The following PPL variants were observed in gnomAD, a reference collection of about 807,000 sequenced individuals.
PPL encodes 190 kDa paraneoplastic pemphigus antigen.
PPL carries 198 observed loss-of-function variants against 194.4 expected under a neutral mutation model. The ratio of observed to expected loss-of-function variants is 1.02; its 90% CI spans 0.91 to 1.15. The LOEUF (loss-of-function observed/expected upper bound fraction) is 1.15. Among genes scored for constraint, PPL ranks in the 50% most tolerant of loss-of-function variants. The probability of loss-of-function intolerance (pLI) is 0.00; values close to 1 mark genes in which losing one functional copy is unlikely to be tolerated. For synonymous variants in PPL, 1,220 were observed against 972.4 expected (o/e 1.25, Z -4.74); for missense variants, 2,885 against 2,294.8 (o/e 1.26, Z -5.25).
chr16:4,892,045 C>T lies in PPL; in HGVS notation c.1819G>A (p.Ala607Thr), dbSNP rs764509009. The T allele has an allele frequency of 1.2e-6, 2 of 1,613,510 alleles. No homozygotes were observed. The highest frequency in any genetic ancestry group is 2.2e-5 in the East Asian group (1 of 44,880). Residue 607 changes from alanine (A) to threonine (T), a missense_variant, in exon 15 of 22, where the codon GCC becomes ACC. Coordinates refer to ENST00000345988, the MANE Select transcript of PPL (RefSeq NM_002705.5). ...YEHLLQLLDLAQEKVDVANRL... is the reference protein window; with the variant it reads ...YEHLLQLLDLTQEKVDVANRL... Reference sequence around the variant, plus strand: ...CTGTCTGCCACCCACTTCTCCTGGGCCAAGTCCAGCAGCTGCAGGAGGTGC... The same window carrying T: ...CTGTCTGCCACCCACTTCTCCTGGGTCAAGTCCAGCAGCTGCAGGAGGTGC...
intron 21 of PPL, 75 bp from the exon 22 acceptor site, chr16:4,886,122 G>C (rs969413127): frequency 5.7e-6 from 9 of 1,585,906 alleles, no homozygotes; most frequent in South Asian, 1.1e-5. Flanking sequence ...CACCTGGTCA[G>C]AGTGGCTGTC....
Position 4,885,400 on chromosome 16 carries a change from C to T in PPL, c.3255G>A (p.Glu1085=). ...EDHQRQDQLR[E]KQEEELSFLQ... ...GGAAGCTCAGCTCCTCCTCCTGCTT[C>T]TCCCTGAGCTGGTCCTGGCGCTGGT... The change falls in exon 22 of 22, where the codon GAG becomes GAA. Residue 1085 remains glutamate, a synonymous_variant. Transcript: ENST00000345988. The surrounding 1 kb of genome is among the most constrained non-coding windows in gnomAD (Gnocchi z 6.3). 1.2e-6 allele frequency: 2 copies of T among 1,612,946 alleles called. No individual in the cohort carries two copies. Among genetic ancestry groups the T allele is most frequent in the Non-Finnish European group, 1.7e-6 (2 of 1,180,020 alleles).
chr16:4,903,660 C>T (rs190107647), intron 3 of PPL, among the ~76,000 whole-genome samples: 8 of 151,700 alleles, frequency 5.3e-5, no homozygotes, highest in South Asian at 2.1e-4. Context: ...GCAGAGATTG[C>T]GCTGAGCCAA....
intron 11 of PPL, 58 bp from the exon 12 acceptor site, chr16:4,894,676 C>G: frequency 6.3e-7 from 1 of 1,577,866 alleles, no homozygotes. Context: ...CCTGGGAGCC[C>G]GGTTGCCATC....
At chr16:4,895,485 A>G in intron 10 of PPL, 78 bp from the exon 11 acceptor site, 5 of 1,602,858 alleles carry the variant, frequency 3.1e-6, no homozygotes, top group Non-Finnish European at 4.3e-6. Flanking sequence ...CAGGGGCTGG[A>G]TTCAGCAGGT....
chr16:4,903,295 C>T (rs2088614346), intron 3 of PPL, among the ~76,000 whole-genome samples: 1 of 152,066 alleles, frequency 6.6e-6, no homozygotes, highest in Non-Finnish European at 1.5e-5. Flanking sequence ...GACAGGGCAC[C>T]AGGCAGCGGA....
At chr16:4,930,534 C>CTCAT (rs796826066) in intron 1 of PPL, among the ~76,000 whole-genome samples, 33 of 152,304 alleles carry the variant, frequency 2.2e-4, no homozygotes, top group African/African-American at 6.0e-4. Flanking sequence ...ATGGCTTACT[C>CTCAT]TCATTCATTC....
intron 1 of PPL, among the ~76,000 whole-genome samples, chr16:4,928,388 A>G (rs1000008367): frequency 4.6e-5 from 7 of 152,190 alleles, no homozygotes; most frequent in Admixed American, 1.3e-4. Flanking sequence ...GTTCTTACCC[A>G]GACACTTTGA....
Position 4,890,230 on chromosome 16 carries a change from T to A in PPL, c.2267A>T (p.Glu756Val), listed in dbSNP as rs779699895. The change falls in exon 18 of 22, where the codon GAG (glutamate) becomes GTG (valine). Residue 756 changes from glutamate to valine, a missense_variant. Physicochemically the swap from Glu to Val is moderately radical, Grantham distance 121. Transcript: ENST00000345988. ...CTCCATCTGGCTGAGGCTGTCTGTC[T>A]CCTGGGGCTCGTAACTGGGGATGCT... ...LVSIPSYEPQETDSLSQMETK... is the reference protein window; with the variant it reads ...LVSIPSYEPQVTDSLSQMETK... 1 of 1,614,164 alleles carries A rather than the reference T, an allele frequency of 6.2e-7. No homozygotes were observed. The highest frequency in any genetic ancestry group is 2.2e-5 in the East Asian group (1 of 44,884).
rs1334063656 is a variant in PPL, at chr16:4,883,948, C to G, written c.4707G>C (p.Gln1569His). 6.2e-7 allele frequency: 1 copy of G among 1,613,962 alleles called. No homozygotes were observed. The highest frequency in any genetic ancestry group is 1.3e-5 in the African/African-American group (1 of 74,916). The change falls in exon 22 of 22, where the codon CAG becomes CAC. Residue 1569 changes from glutamine to histidine, a missense_variant. Physicochemically the swap from Gln to His is conservative, Grantham distance 24. Transcript: ENST00000345988. This position sits in a 1 kb window ranked among gnomAD's most constrained non-coding sequence, Gnocchi z 4.8. The part of the protein sequence containing the change: ...DFLREENHKL[Q>H]LERQNLQLET... ...CCAGCTGCAGGTTTTGCCTCTCCAGCTGTAATTTGTGGTTCTCTTCCCTCA... is the reference window on the plus strand; with the variant it reads ...CCAGCTGCAGGTTTTGCCTCTCCAGGTGTAATTTGTGGTTCTCTTCCCTCA...
chr16:4,911,145 C>G (rs1363722334), intron 1 of PPL, among the ~76,000 whole-genome samples, 196 bp from the exon 2 acceptor site: 1 of 139,670 alleles, frequency 7.2e-6, no homozygotes, highest in Non-Finnish European at 1.5e-5. Flanking sequence ...GCCTGGCAGG[C>G]GGTCAGCCTC....
At chr16:4,924,933 T>G (rs2089128531) in intron 1 of PPL, among the ~76,000 whole-genome samples, 1 of 152,354 alleles carries the variant, frequency 6.6e-6, no homozygotes, top group Non-Finnish European at 1.5e-5. Flanking sequence ...CCAGAACTGC[T>G]GTGTCCCCTG....
At chr16:4,901,204 C>T (rs2088562306) in intron 4 of PPL, 115 bp from the exon 5 acceptor site, 3 of 1,185,422 alleles carry the variant, frequency 2.5e-6, no homozygotes, top group Admixed American at 2.5e-5. Flanking sequence ...TCACGGGGCC[C>T]TGCAGAGCCA....
intron 5 of PPL, 35 bp from the exon 6 acceptor site, chr16:4,900,906 G>A (rs1286955654): frequency 6.2e-7 from 1 of 1,613,984 alleles, no homozygotes; most frequent in Non-Finnish European, 8.5e-7. Context: ...GTCAGGGCCA[G>A]GAAGCAGGCG....
chr16:4,892,485 G>T (rs761161789), intron 14 of PPL, among the ~76,000 whole-genome samples: 1 of 152,218 alleles, frequency 6.6e-6, no homozygotes, highest in Non-Finnish European at 1.5e-5. Flanking sequence ...AGCACTGCAC[G>T]CGGACGCTTC....
At chr16:4,917,892 G>C (rs1425179493) in intron 1 of PPL, among the ~76,000 whole-genome samples, 4 of 149,394 alleles carry the variant, frequency 2.7e-5, no homozygotes, top group African/African-American at 9.9e-5. Context: ...ATGAGAGTGA[G>C]ACCCTGTCTC....
rs733631 is a variant in PPL at position 4,886,090 on chromosome 16, C to T, written c.2608-43G>A. The T allele has an allele frequency of 0.013, 21,023 of 1,611,874 alleles. 2,243 individuals are homozygous for T. In the African/African-American group the frequency reaches 0.24, roughly 18 times the overall value. On this transcript the variant is annotated intron_variant, in intron 21 of 21. Coordinates refer to ENST00000345988, the MANE Select transcript of PPL (RefSeq NM_002705.5). Reference sequence around the variant, plus strand: ...AGACAAGGTTAAAGCCAGGCTCTGGCAGCACATGTAGGGCCTGTCCCCACC... The same window carrying T: ...AGACAAGGTTAAAGCCAGGCTCTGGTAGCACATGTAGGGCCTGTCCCCACC...
intron 2 of PPL, 63 bp downstream of exon 2, chr16:4,910,787 C>G (rs2088802730): frequency 7.3e-7 from 1 of 1,378,002 alleles, no homozygotes; most frequent in Non-Finnish European, 1.0e-6. Flanking sequence ...CAAACAGATC[C>G]TGGTCCTGAA....
chr16:4,934,228 G>T (rs553508631), intron 1 of PPL, among the ~76,000 whole-genome samples: 2 of 152,156 alleles, frequency 1.3e-5, no homozygotes, highest in Non-Finnish European at 2.9e-5. Context: ...CGGGAGCAAC[G>T]GGGTTCACAC....
Sources: gnomAD v4.1 joint callset for allele counts (sites outside exome capture counted in the v4.1 genomes callset) on GRCh38, gnomAD v4.1.1 for gene constraint, Gnocchi (gnomAD v3.1) non-coding constraint, MANE v1.5 for transcripts, NCBI Gene and HGNC (gene_info 2026-07-23, HGNC 2026-07-21) for gene names.